Variants in PRKCZ observed in about 807,000 individuals in gnomAD.
PRKCZ encodes the protein protein kinase C zeta type.
A neutral mutation model predicts 79.5 loss-of-function variants in PRKCZ; 33 were observed. The ratio of observed to expected loss-of-function variants is 0.41; its 90% CI spans 0.31 to 0.55. The LOEUF is 0.55. PRKCZ is among the 20% of genes least tolerant of loss of function. The pLI, the probability that PRKCZ is intolerant of heterozygous loss-of-function variation, is 0.19. For synonymous variants in PRKCZ, 342 were observed against 320.9 expected, an observed-to-expected ratio of 1.07 and a Z score of -0.70; for missense variants, 578 against 813.5, an observed-to-expected ratio of 0.71 and a Z score of 3.52.
intron 4 of PRKCZ, among the ~76,000 whole-genome samples, chr1:2,112,420 G>T (rs1156367197): frequency 6.6e-6 from 1 of 152,150 alleles, no homozygotes; most frequent in Non-Finnish European, 1.5e-5. Context: ...CAGGCGGAGG[G>T]TCAGCCTGGA....
intron 4 of PRKCZ, chr1:2,073,956 A>AT (rs1294421337): frequency 7.3e-7 from 1 of 1,371,312 alleles, no homozygotes; most frequent in East Asian, 2.9e-5. Context: ...TCCCCCGTGG[A>AT]TTTTCCGCGC....
chr1:2,079,093 C>T (rs377601704), intron 4 of PRKCZ, among the ~76,000 whole-genome samples: 75 of 152,332 alleles, frequency 4.9e-4, no homozygotes, highest in African/African-American at 9.4e-4. Context: ...CCGCCCGCCT[C>T]GGCCTCCCAA....
At chr1:2,106,117 C>T (rs1453407093) in intron 4 of PRKCZ, among the ~76,000 whole-genome samples, 3 of 152,186 alleles carry the variant, frequency 2.0e-5, no homozygotes, top group Non-Finnish European at 4.4e-5. Context: ...GGGTGTCCCC[C>T]CAGCCCCCTG....
intron 2 of PRKCZ, among the ~76,000 whole-genome samples, chr1:2,056,068 C>T (rs530513419): frequency 6.6e-5 from 10 of 152,296 alleles, no homozygotes; most frequent in East Asian, 5.8e-4. Context: ...CACGGCCGTG[C>T]GGGTGGAGCC....
chr1:2,176,662 C>G (rs1685554946), intron 16 of PRKCZ, among the ~76,000 whole-genome samples: 1 of 152,238 alleles, frequency 6.6e-6, no homozygotes, highest in African/African-American at 2.4e-5. Context: ...GTCCTCCACC[C>G]CACCCAACTT....
chr1:2,121,076 A>G (rs1671791405), intron 4 of PRKCZ, among the ~76,000 whole-genome samples: 1 of 151,992 alleles, frequency 6.6e-6, no homozygotes, highest in African/African-American at 2.4e-5. Context: ...AGCCTCCCAA[A>G]GTGTTGGGAT....
chr1:2,183,920 G>A (rs1687129810), intron 16 of PRKCZ: 1 of 152,572 alleles, frequency 6.6e-6, no homozygotes, highest in Non-Finnish European at 1.5e-5. Context: ...GGGTGAGTGG[G>A]AGAGCATGGC....
chr1:2,052,650 C>A (rs368296110), intron 1 of PRKCZ, among the ~76,000 whole-genome samples: 1 of 152,102 alleles, frequency 6.6e-6, no homozygotes, highest in Non-Finnish European at 1.5e-5. Context: ...TCTGGCTCCT[C>A]GTCCCTCTGG....
At chr1:2,084,508 C>T (rs952371657) in intron 4 of PRKCZ, among the ~76,000 whole-genome samples, 3 of 152,240 alleles carry the variant, frequency 2.0e-5, no homozygotes, top group East Asian at 1.9e-4. Flanking sequence ...CATGCGCGGC[C>T]GGCCGGCTCA....
At chr1:2,070,069 G>A (rs1229406411) in intron 4 of PRKCZ, among the ~76,000 whole-genome samples, 2 of 152,206 alleles carry the variant, frequency 1.3e-5, no homozygotes, top group Admixed American at 6.5e-5. Context: ...GTCCATGGAG[G>A]AAATACAAAG....
intron 4 of PRKCZ, among the ~76,000 whole-genome samples, chr1:2,096,828 G>C: frequency 6.6e-6 from 1 of 152,332 alleles, no homozygotes; most frequent in Middle Eastern, 3.4e-3. Context: ...ACCTCGCTCT[G>C]CAACAAATCT....
rs1661923301 is a variant in PRKCZ, at chr1:2,074,041, G to C, written c.334+14450G>C. 5 of 1,440,952 alleles carry C rather than the reference G, an allele frequency of 3.5e-6. No individual in the cohort carries two copies. The African/African-American group carries it at 7.1e-5, about 21-fold the overall frequency. The allele number at this position is 1,440,952 out of a possible 1,614,324, so 89.3% of individuals were successfully genotyped here. A position where few individuals can be genotyped will look rare whatever the true frequency, so the allele number is the denominator to read the frequency against. On this transcript the variant is annotated intron_variant, in intron 4 of 17. Coordinates refer to ENST00000378567, the MANE Select transcript of PRKCZ (RefSeq NM_002744.6). ...GTGCCCGAGTCAGCATTTTGGGTCT[G>C]AGTCCCGGCGTTGCCGCTGCCTGTG...
intron 10 of PRKCZ, among the ~76,000 whole-genome samples, chr1:2,158,205 C>G (rs986649005): frequency 6.6e-6 from 1 of 152,224 alleles, no homozygotes; most frequent in Non-Finnish European, 1.5e-5. Flanking sequence ...GGTCCCCCAC[C>G]CTCCCCACCT....
intron 5 of PRKCZ, chr1:2,142,572 C>A: frequency 3.9e-6 from 1 of 254,480 alleles, no homozygotes; most frequent in Non-Finnish European, 7.9e-6. Context: ...GGGTGGGATG[C>A]CCCCTCTCAC....
intron 4 of PRKCZ, among the ~76,000 whole-genome samples, chr1:2,114,830 C>T (rs917013566): frequency 3.3e-5 from 5 of 152,156 alleles, no homozygotes; most frequent in Non-Finnish European, 7.3e-5. Flanking sequence ...AGCCGCCTGC[C>T]GTTGGGTTTC....
intron 16 of PRKCZ, among the ~76,000 whole-genome samples, chr1:2,175,899 T>C (rs1685405806): frequency 1.3e-5 from 2 of 152,154 alleles, no homozygotes; most frequent in Admixed American, 1.3e-4. Context: ...GTGAGCACAT[T>C]GGCTGTTGGT....
intron 4 of PRKCZ, among the ~76,000 whole-genome samples, chr1:2,121,579 T>C (rs75208339): frequency 0.73 from 50,457 of 68,790 alleles, 20,507 homozygotes; most frequent in Admixed American, 0.76. Context: ...GTTAGGGTGA[T>C]GGTGGTAGTT....
At chr1:2,158,139 G>A (rs898188095) in intron 10 of PRKCZ, among the ~76,000 whole-genome samples, 4 of 152,190 alleles carry the variant, frequency 2.6e-5, no homozygotes, top group African/African-American at 9.7e-5. Flanking sequence ...GTGCGGTGCC[G>A]TCCTGGTCAA....
In PRKCZ at chr1:2,075,886, G is replaced by A. The variant is rs1219212669; in HGVS notation, c.334+16295G>A. Among the ~76,000 whole-genome samples, 1 of 152,186 alleles carries A rather than the reference G, an allele frequency of 6.6e-6. No homozygotes were observed. Among genetic ancestry groups the A allele is most frequent in the Non-Finnish European group, 1.5e-5 (1 of 68,034 alleles). On this transcript the variant is annotated intron_variant, in intron 4 of 17. Transcript: ENST00000378567. The surrounding 1 kb of genome is among the most constrained non-coding windows in gnomAD (Gnocchi z 4.8). The stretch of plus-strand genomic sequence containing the variant: ...GACCTGCTCTCGTGTGTGTAGCAGC[G>A]GGGGCTGCGTCTCATCTGCCACACG...
Sources: allele counts gnomAD v4.1 joint callset (sites outside exome capture counted in the v4.1 genomes callset), GRCh38; gene constraint gnomAD v4.1.1; non-coding constraint Gnocchi (gnomAD v3.1); transcripts MANE v1.5; gene names NCBI Gene and HGNC (gene_info 2026-07-23, HGNC 2026-07-21).